The following RPS6KC1 variants were observed in gnomAD, a reference collection of about 807,000 sequenced individuals.
RPS6KC1 encodes inactive ribosomal protein S6 kinase delta-1.
A neutral mutation model predicts 103.8 loss-of-function variants in RPS6KC1; 54 were observed. That is an observed-to-expected ratio of 0.52 (90% CI 0.42 to 0.65). The LOEUF is 0.65. RPS6KC1 is among the 30% of genes least tolerant of loss of function. RPS6KC1 has a pLI of 0.00. For missense variants in RPS6KC1, 1,151 were observed against 1,253.8 expected (o/e 0.92, Z 1.24); for synonymous variants, 439 against 438.7 (o/e 1.00, Z -0.01).
At chr1:213,397,398 A>G in the RPS6KC1 span, among the ~76,000 whole-genome samples, 3 of 152,052 alleles carry the variant, frequency 2.0e-5, no homozygotes, top group African/African-American at 7.2e-5. Flanking sequence ...AGGGTTAAAG[A>G]AATTGTTCAT....
At chr1:213,217,545 C>G (rs1418604032) in intron 8 of RPS6KC1, among the ~76,000 whole-genome samples, 2 of 152,166 alleles carry the variant, frequency 1.3e-5, no homozygotes, top group Non-Finnish European at 1.5e-5. Context: ...ATCCTGATAC[C>G]AAAGCCTGAC....
chr1:213,512,688 G>A, the RPS6KC1 span, among the ~76,000 whole-genome samples: 2 of 152,310 alleles, frequency 1.3e-5, no homozygotes, highest in South Asian at 4.1e-4. Flanking sequence ...AGGCACACTT[G>A]TGCTTCATTT....
chr1:213,772,230 A>G, the RPS6KC1 span, among the ~76,000 whole-genome samples: 1 of 152,144 alleles, frequency 6.6e-6, no homozygotes, highest in Non-Finnish European at 1.5e-5. Context: ...GTGGGTAAGG[A>G]GGCAGCCATT....
chr1:213,403,060 A>G, the RPS6KC1 span, among the ~76,000 whole-genome samples: 1 of 151,856 alleles, frequency 6.6e-6, no homozygotes, highest in South Asian at 2.1e-4. Context: ...CCCGAGAGGC[A>G]GAGCTTGCAG....
At chr1:213,378,123 G>A in the RPS6KC1 span, among the ~76,000 whole-genome samples, 2 of 152,212 alleles carry the variant, frequency 1.3e-5, no homozygotes, top group Non-Finnish European at 1.5e-5. Context: ...ACTGAGGTAC[G>A]CTGTTGTAAG....
intron 8 of RPS6KC1, among the ~76,000 whole-genome samples, chr1:213,192,034 G>A (rs961153907): frequency 1.3e-5 from 2 of 152,074 alleles, no homozygotes; most frequent in Non-Finnish European, 2.9e-5. Context: ...GATTACAGGT[G>A]TGAGCCACTG....
At chr1:213,502,490 TAAAAC>T in the RPS6KC1 span, among the ~76,000 whole-genome samples, 1 of 152,286 alleles carries the variant, frequency 6.6e-6, no homozygotes, top group East Asian at 1.9e-4. Context: ...AAATATAAAT[TAAAAC>T]AGATTATCAC....
At chr1:213,062,038 A>C (rs1169216393) in intron 1 of RPS6KC1, among the ~76,000 whole-genome samples, 1 of 152,168 alleles carries the variant, frequency 6.6e-6, no homozygotes, top group Non-Finnish European at 1.5e-5. Flanking sequence ...CTAGTTTCTA[A>C]AGGGGCTTAT....
chr1:213,382,383 G>A, the RPS6KC1 span, among the ~76,000 whole-genome samples: 1 of 152,268 alleles, frequency 6.6e-6, no homozygotes, highest in Admixed American at 6.5e-5. Context: ...CATGGGCTTT[G>A]GGGAAGGTGT....
At chr1:213,322,853 T>G in the RPS6KC1 span, among the ~76,000 whole-genome samples, 1 of 151,026 alleles carries the variant, frequency 6.6e-6, no homozygotes, top group Admixed American at 6.6e-5. Context: ...GCTCAAGTGA[T>G]TCTCCTGCTT....
At chr1:213,189,028 C>T (rs1180771799) in intron 8 of RPS6KC1, among the ~76,000 whole-genome samples, 1 of 152,062 alleles carries the variant, frequency 6.6e-6, no homozygotes, top group African/African-American at 2.4e-5. Flanking sequence ...GAACAGCATA[C>T]AAAATGTAGA....
At chr1:213,528,348 C>T in the RPS6KC1 span, among the ~76,000 whole-genome samples, 26 of 152,236 alleles carry the variant, frequency 1.7e-4, 1 homozygote, top group East Asian at 1.5e-3. Flanking sequence ...TACTCAGTCA[C>T]TATCATGAGA....
intron 8 of RPS6KC1, among the ~76,000 whole-genome samples, chr1:213,201,815 C>T (rs1236536423): frequency 2.0e-5 from 3 of 152,160 alleles, no homozygotes; most frequent in Non-Finnish European, 4.4e-5. Context: ...GTGGTACCTT[C>T]AATAGTGTGC....
At chr1:213,719,556 CG>C in the RPS6KC1 span, among the ~76,000 whole-genome samples, 39,429 of 138,474 alleles carry the variant, frequency 0.28, 5,632 homozygotes, top group Middle Eastern at 0.4. Flanking sequence ...TTTCTTAGTT[CG>C]TTTTTTTTAA....
the RPS6KC1 span, among the ~76,000 whole-genome samples, chr1:213,802,999 C>A: frequency 6.6e-6 from 1 of 152,258 alleles, no homozygotes; most frequent in South Asian, 2.1e-4. Context: ...GGCAACCTAA[C>A]AGAAACTCTG....
the RPS6KC1 span, among the ~76,000 whole-genome samples, chr1:213,795,489 C>G: frequency 6.6e-6 from 1 of 152,106 alleles, no homozygotes; most frequent in Non-Finnish European, 1.5e-5. Context: ...GCTTGGGAAA[C>G]GATGCTTTAG....
At chr1:213,444,510 A>G in the RPS6KC1 span, among the ~76,000 whole-genome samples, 10 of 152,280 alleles carry the variant, frequency 6.6e-5, no homozygotes, top group Non-Finnish European at 1.5e-4. Flanking sequence ...TTTAGCAATA[A>G]TGTCTCTTTG....
At chr1:213,131,213 T>G (rs901114486) in intron 6 of RPS6KC1, among the ~76,000 whole-genome samples, 5 of 152,178 alleles carry the variant, frequency 3.3e-5, no homozygotes, top group Non-Finnish European at 5.9e-5. Flanking sequence ...CTTTTTTCAT[T>G]AGTTATTGTC....
the RPS6KC1 span, among the ~76,000 whole-genome samples, chr1:213,376,334 ATTGTATTCAATAAT>A: frequency 6.6e-6 from 1 of 152,056 alleles, no homozygotes; most frequent in African/African-American, 2.4e-5. Context: ...GAATTATTGC[ATTGTATTCAATAAT>A]TTGGATTTAC....
Sources: allele counts gnomAD v4.1 joint callset (sites outside exome capture counted in the v4.1 genomes callset), GRCh38; gene constraint gnomAD v4.1.1; transcripts MANE v1.5; gene names NCBI Gene and HGNC (gene_info 2026-07-23, HGNC 2026-07-21).